Variants in DMXL1 observed in about 807,000 individuals in gnomAD.
DMXL1 encodes Dmx like 1.
DMXL1 carries 99 observed loss-of-function variants against 319.2 expected under a neutral mutation model. The ratio of observed to expected loss-of-function variants is 0.31; its 90% CI spans 0.26 to 0.37. The LOEUF (loss-of-function observed/expected upper bound fraction) is 0.37, where lower values mean the gene tolerates loss of function less well. DMXL1 is among the 10% of genes least tolerant of loss of function. DMXL1 has a pLI of 1.00. For missense variants in DMXL1, 3,745 were observed against 3,595.6 expected, an observed-to-expected ratio of 1.04 and a Z score of -1.06; for synonymous variants, 1,385 against 1,235.2, an observed-to-expected ratio of 1.12 and a Z score of -2.54.
At chr5:119,235,388 ATG>A (rs1025080742) in intron 39 of DMXL1, among the ~76,000 whole-genome samples, 2 of 152,176 alleles carry the variant, frequency 1.3e-5, no homozygotes, top group African/African-American at 4.8e-5. Context: ...ATTCCCAAAA[ATG>A]TGGTCAGTGG....
chr5:119,197,770 C>T lies in DMXL1; in HGVS notation c.7559C>T (p.Ser2520Leu). 1 of 1,613,822 alleles carries T rather than the reference C, an allele frequency of 6.2e-7. No individual in the cohort carries two copies. The highest frequency in any genetic ancestry group is 8.5e-7 in the Non-Finnish European group (1 of 1,179,934). ...CCCATTTTAGAGCTTCCAGTTAGTT[C>T]ACCTCTTTGTCATGCGGTTCTAAAA... Reference protein sequence around the residue: ...GHDLAELPVSSPLCHAVLKTL... With the variant: ...GHDLAELPVSLPLCHAVLKTL... Residue 2520 changes from serine (S) to leucine (L), a missense_variant, in exon 32 of 44, where the codon TCA becomes TTA. By Grantham distance (145) the Ser-to-Leu change is moderately radical. Around this residue, in one of 4 missense-constraint regions of DMXL1, gnomAD observed 1,382 missense variants for 1,269.5 expected, o/e 1.09. Coordinates refer to ENST00000539542, the MANE Select transcript of DMXL1 (RefSeq NM_001290321.3).
chr5:119,102,394 C>A (rs916283931), intron 3 of DMXL1, among the ~76,000 whole-genome samples: 1 of 152,136 alleles, frequency 6.6e-6, no homozygotes, highest in Admixed American at 6.5e-5. Flanking sequence ...GCTTAACTTT[C>A]TTGCATTATT....
rs1036280765 is a variant in DMXL1 at position 119,212,313 on chromosome 5, T to C, written c.7927-4588T>C. Among the ~76,000 whole-genome samples, 8 of 152,348 alleles carry C rather than the reference T, an allele frequency of 5.3e-5. No individual in the cohort carries two copies. The East Asian group carries it at 7.7e-4, about 15-fold the overall frequency. On this transcript the variant is annotated intron_variant, in intron 34 of 43. Transcript: ENST00000539542. ...TGTAAATGGAATTGTATAATAGTTA[T>C]CCTTTTGTGACTAGTTTATTTCACC...
intron 27 of DMXL1, 113 bp downstream of exon 27, chr5:119,177,597 T>C (rs1776055052): frequency 1.2e-6 from 1 of 856,096 alleles, no homozygotes; most frequent in African/African-American, 1.7e-5. Context: ...CTGTTAGAAT[T>C]GATACCAGTT....
intron 32 of DMXL1, among the ~76,000 whole-genome samples, chr5:119,199,474 G>C (rs1374376727): frequency 2.6e-5 from 4 of 152,084 alleles, no homozygotes; most frequent in Non-Finnish European, 1.5e-5. Flanking sequence ...TGTCACTGAT[G>C]AGCGTTTAGG....
At chr5:119,185,180 T>G (rs1227978712) in intron 28 of DMXL1, among the ~76,000 whole-genome samples, 1 of 151,974 alleles carries the variant, frequency 6.6e-6, no homozygotes, top group Non-Finnish European at 1.5e-5. Context: ...CTCTACTTCT[T>G]CCCCTGTCAC....
chr5:119,110,019 TC>T (rs1488756428), intron 4 of DMXL1, 131 bp from the exon 5 acceptor site: 10 of 676,578 alleles, frequency 1.5e-5, no homozygotes, highest in Non-Finnish European at 1.9e-5. Context: ...TACAGCCTTC[TC>T]CTCCGTTCTT....
At chr5:119,126,446 A>T (rs1405200518) in intron 9 of DMXL1, among the ~76,000 whole-genome samples, 1 of 152,140 alleles carries the variant, frequency 6.6e-6, no homozygotes, top group African/African-American at 2.4e-5. Flanking sequence ...CAACAGTCAT[A>T]CCACCAGGAC....
chr5:119,123,140 A>G (rs1271328836), intron 9 of DMXL1, among the ~76,000 whole-genome samples: 1 of 151,958 alleles, frequency 6.6e-6, no homozygotes. Context: ...GTCTCCACCA[A>G]AAAAATACGA....
intron 41 of DMXL1, among the ~76,000 whole-genome samples, chr5:119,240,186 T>C (rs1231910698): frequency 1.3e-5 from 2 of 152,164 alleles, no homozygotes; most frequent in Non-Finnish European, 2.9e-5. Flanking sequence ...GGTGGGAAGA[T>C]TGCTTGAGCC....
intron 17 of DMXL1, among the ~76,000 whole-genome samples, chr5:119,148,192 T>A (rs573276073): frequency 7.9e-5 from 12 of 152,304 alleles, no homozygotes; most frequent in African/African-American, 2.4e-4. Context: ...ACCTCAATCA[T>A]GAAGGGCCCT....
intron 37 of DMXL1, among the ~76,000 whole-genome samples, chr5:119,221,796 T>TTA (rs1554148261): frequency 2.6e-5 from 4 of 151,676 alleles, no homozygotes; most frequent in African/African-American, 7.3e-5. Flanking sequence ...TTTTTTTTTT[T>TTA]AACAAAAACA....
rs143700022 is a variant in DMXL1, at chr5:119,175,527, G to T, written c.6758+190G>T. Among the ~76,000 whole-genome samples, 35 of 152,114 alleles carry T rather than the reference G, an allele frequency of 2.3e-4. 1 individual carries two copies. The highest frequency in any genetic ancestry group is 8.2e-4 in the African/African-American group (34 of 41,530). On this transcript the variant is annotated intron_variant, in intron 26 of 43. Transcript: ENST00000539542. ...CAGATGAATCTCAAACCCTTATTCT[G>T]TATAACTTATTTAGCAGCCTATTAC...
chr5:119,246,584 C>T (rs1376294165), intron 43 of DMXL1, among the ~76,000 whole-genome samples: 3 of 151,212 alleles, frequency 2.0e-5, no homozygotes, highest in African/African-American at 7.3e-5. Flanking sequence ...TTCCTTACTG[C>T]ACAGGAATGC....
intron 18 of DMXL1, among the ~76,000 whole-genome samples, chr5:119,151,514 A>G (rs1193051894): frequency 1.3e-5 from 2 of 152,188 alleles, no homozygotes; most frequent in African/African-American, 4.8e-5. Context: ...CTTCAAGGAA[A>G]AAATATCAGG....
chr5:119,120,322 C>T (rs545218074), intron 8 of DMXL1, among the ~76,000 whole-genome samples: 3 of 152,292 alleles, frequency 2.0e-5, no homozygotes, highest in Admixed American at 2.0e-4. Context: ...TGTATTGATT[C>T]AACAACGAAT....
intron 10 of DMXL1, among the ~76,000 whole-genome samples, chr5:119,130,466 C>T (rs1230663982): frequency 6.6e-6 from 1 of 152,062 alleles, no homozygotes; most frequent in Non-Finnish European, 1.5e-5. Context: ...CCTCAGCCTC[C>T]CGAGTAGCTA....
chr5:119,120,666 T>C (rs1314311044), intron 8 of DMXL1, among the ~76,000 whole-genome samples: 4 of 152,226 alleles, frequency 2.6e-5, no homozygotes, highest in African/African-American at 9.7e-5. Flanking sequence ...AAAAAAATTT[T>C]TAACATTTGA....
At chr5:119,100,161 G>A (rs977381201) in intron 2 of DMXL1, among the ~76,000 whole-genome samples, 1 of 152,024 alleles carries the variant, frequency 6.6e-6, no homozygotes, top group African/African-American at 2.4e-5. Flanking sequence ...ACTTCTGACT[G>A]TTTACATTTA....
Sources: allele counts gnomAD v4.1 joint callset (sites outside exome capture counted in the v4.1 genomes callset), GRCh38; gene constraint gnomAD v4.1.1; regional missense constraint gnomAD v4.1.1; transcripts MANE v1.5; gene names NCBI Gene and HGNC (gene_info 2026-07-23, HGNC 2026-07-21).